The following MYH14 variants were observed in gnomAD, a reference collection of about 807,000 sequenced individuals.
MYH14 encodes myosin-14.
A neutral mutation model predicts 255.5 loss-of-function variants in MYH14; 123 were observed. The ratio of observed to expected loss-of-function variants is 0.48; its 90% CI spans 0.42 to 0.56. The LOEUF (loss-of-function observed/expected upper bound fraction) is 0.56. MYH14 is among the 20% of genes least tolerant of loss of function. MYH14 has a pLI of 0.00. For synonymous variants in MYH14, 1,095 were observed against 1,161.2 expected (o/e 0.94, Z 1.16); for missense variants, 2,423 against 2,802.3 (o/e 0.86, Z 3.06).
intron 8 of MYH14, among the ~76,000 whole-genome samples, chr19:50,228,575 C>T (rs1303353126): frequency 6.6e-6 from 1 of 152,146 alleles, no homozygotes; most frequent in Non-Finnish European, 1.5e-5. Context: ...AGCCCCTGCT[C>T]CTGCCGTTTT....
At chr19:50,247,180 C>A in intron 12 of MYH14, 58 bp downstream of exon 12, 1 of 1,222,374 alleles carries the variant, frequency 8.2e-7, no homozygotes, top group Non-Finnish European at 1.2e-6. Flanking sequence ...GGCCCTGGGT[C>A]TTTAAACAGT....
At chr19:50,302,585 A>C (rs1239889668) in intron 40 of MYH14, among the ~76,000 whole-genome samples, 1 of 150,816 alleles carries the variant, frequency 6.6e-6, no homozygotes, top group Non-Finnish European at 1.5e-5. Context: ...TCCATTTAAA[A>C]AAAAAAAAGA....
At chr19:50,207,268 AG>A (rs1280487852) in intron 1 of MYH14, among the ~76,000 whole-genome samples, 1 of 123,062 alleles carries the variant, frequency 8.1e-6, no homozygotes, top group African/African-American at 3.4e-5. Context: ...AGAGAGAGAG[AG>A]ACAGAGAGAG....
intron 10 of MYH14, 110 bp downstream of exon 10, chr19:50,232,180 G>A: frequency 5.1e-6 from 7 of 1,372,508 alleles, no homozygotes; most frequent in Admixed American, 1.9e-5. Context: ...AGCACCTACT[G>A]GGTGCAGGCA....
chr19:50,243,077 G>A (rs1270247518), intron 10 of MYH14, among the ~76,000 whole-genome samples: 6 of 152,068 alleles, frequency 3.9e-5, no homozygotes, highest in South Asian at 2.1e-4. Context: ...TGTTGGCCTC[G>A]AGTTCTGTGC....
chr19:50,271,935 A>G lies in MYH14; in HGVS notation c.3258A>G (p.Leu1086=). 1.2e-6 allele frequency: 2 copies of G among 1,611,952 alleles called. No homozygotes were observed. Among genetic ancestry groups the G allele is most frequent in the Non-Finnish European group, 1.7e-6 (2 of 1,179,148 alleles). The part of the protein sequence containing the change: ...EEEKVKSLNK[L]RLKYEATIAD... ...AGAAGGTCAAGAGCCTCAATAAGCT[A>G]CGGCTCAAATATGAGGCCACAATCG... The change falls in exon 26 of 43, where the codon CTA becomes CTG. Residue 1086 remains leucine, a synonymous_variant. Transcript: ENST00000642316.
chr19:50,261,738 G>A, intron 21 of MYH14, 103 bp downstream of exon 21: 1 of 1,153,258 alleles, frequency 8.7e-7, no homozygotes, highest in Non-Finnish European at 1.2e-6. Flanking sequence ...ATGGGTGCAG[G>A]GCTGAGGAGC....
intron 10 of MYH14, among the ~76,000 whole-genome samples, chr19:50,234,660 CTG>C (rs1289323371): frequency 1.3e-5 from 2 of 151,534 alleles, no homozygotes; most frequent in Non-Finnish European, 2.9e-5. Flanking sequence ...CAAATTCAGA[CTG>C]TGGCTGCAAT....
Position 50,289,571 on chromosome 19 carries a change from C to G in MYH14, c.4888C>G (p.Leu1630Val). The change falls in exon 35 of 43, where the codon CTC (leucine) becomes GTC (valine). Residue 1630 changes from leucine to valine, a missense_variant. Physicochemically the swap from Leu to Val is conservative, Grantham distance 32. Transcript: ENST00000642316. ...KLRLEVTVQA[L>V]KTQHERDLQG... ...GCGTCTGGAGGTGACTGTGCAGGCTCTCAAGACTCAGCATGAGCGTGACCT... is the reference window on the plus strand; with the variant it reads ...GCGTCTGGAGGTGACTGTGCAGGCTGTCAAGACTCAGCATGAGCGTGACCT... 3 of 1,613,048 alleles carry G rather than the reference C, an allele frequency of 1.9e-6. No individual in the cohort carries two copies. The highest frequency in any genetic ancestry group is 2.5e-6 in the Non-Finnish European group (3 of 1,179,632).
chr19:50,277,439 C>G (rs918291919), intron 29 of MYH14, among the ~76,000 whole-genome samples: 1 of 151,898 alleles, frequency 6.6e-6, no homozygotes, highest in Non-Finnish European at 1.5e-5. Flanking sequence ...AACCCCATCT[C>G]TACTAAAAAT....
Position 50,257,311 on chromosome 19 carries a change from T to C in MYH14, c.2057T>C (p.Val686Ala), listed in dbSNP as rs2034626759. 1 of 1,602,682 alleles carries C rather than the reference T, an allele frequency of 6.2e-7. No individual in the cohort carries two copies. The highest frequency in any genetic ancestry group is 8.5e-7 in the Non-Finnish European group (1 of 1,172,668). The change falls in exon 18 of 43, where the codon GTG (valine) becomes GCG (alanine). Residue 686 changes from valine (V) to alanine (A), a missense_variant. Coordinates refer to ENST00000642316, the MANE Select transcript of MYH14 (RefSeq NM_001145809.2). ...AISPPGVEGI[V>A]GLEQVSSLGD... ...CTCCATCTGACAGTGGAGGGCATCG[T>C]GGGGCTGGAACAGGTGAGCAGCCTG...
chr19:50,284,409 C>T (rs917667814), intron 33 of MYH14, among the ~76,000 whole-genome samples: 3 of 151,948 alleles, frequency 2.0e-5, no homozygotes, highest in South Asian at 2.1e-4. Flanking sequence ...CACTGTTGCC[C>T]GGGCTGGAGT....
rs1338780806 is a variant in MYH14 at position 50,230,043 on chromosome 19, C to T, written c.875-482C>T. On this transcript the variant is annotated intron_variant, in intron 8 of 42. Transcript: ENST00000642316. This position sits in a 1 kb window ranked among gnomAD's most constrained non-coding sequence, Gnocchi z 4.7. Reference sequence around the variant, plus strand: ...GATTCTCCTGCCTCAGCCTCCCAAGCAGCTGAGATTACAGGCACCCGCGAT... The same window carrying T: ...GATTCTCCTGCCTCAGCCTCCCAAGTAGCTGAGATTACAGGCACCCGCGAT... 6.6e-6 allele frequency among the ~76,000 whole-genome samples: 1 copy of T among 152,094 alleles called. No homozygotes were observed. Among genetic ancestry groups the T allele is most frequent in the Non-Finnish European group, 1.5e-5 (1 of 68,018 alleles).
At chr19:50,271,304 A>T (rs1399590467) in intron 24 of MYH14, 105 bp from the exon 25 acceptor site, 2 of 1,261,112 alleles carry the variant, frequency 1.6e-6, no homozygotes. Flanking sequence ...TCTCTGAACC[A>T]CAAGCCGCGG....
rs879357320 is a variant in MYH14 at position 50,221,560 on chromosome 19, T to G, written c.563-1523T>G. Among the ~76,000 whole-genome samples, 1 of 152,128 alleles carries G rather than the reference T, an allele frequency of 6.6e-6. No homozygotes were observed. The highest frequency in any genetic ancestry group is 1.5e-5 in the Non-Finnish European group (1 of 68,032). ...GGCACGATCTTGGCTCACTGCAACCTCCGCCTCCCGGGTTCAAGTGATTCT... is the reference window on the plus strand; with the variant it reads ...GGCACGATCTTGGCTCACTGCAACCGCCGCCTCCCGGGTTCAAGTGATTCT... On this transcript the variant is annotated intron_variant, in intron 3 of 42. Coordinates refer to ENST00000642316, the MANE Select transcript of MYH14 (RefSeq NM_001145809.2). The surrounding 1 kb of genome is among the most constrained non-coding windows in gnomAD (Gnocchi z 5.3).
In MYH14 at chr19:50,276,274, A is replaced by C. The variant is rs2035506284; in HGVS notation, c.3680+71A>C. The stretch of plus-strand genomic sequence containing the variant: ...GGCTGGGGGAAGGACTTAGGTACAA[A>C]GTCTCTGTCTATACAGAGGCTTACT... On this transcript the variant is annotated intron_variant, in intron 28 of 42. Coordinates refer to ENST00000642316, the MANE Select transcript of MYH14 (RefSeq NM_001145809.2). The surrounding 1 kb of genome is among the most constrained non-coding windows in gnomAD (Gnocchi z 4.3). 3.4e-6 allele frequency: 4 copies of C among 1,191,950 alleles called. No homozygotes were observed. The highest frequency in any genetic ancestry group is 4.6e-6 in the Non-Finnish European group (4 of 865,532). 73.8% of individuals were successfully genotyped at this position (1,191,950 alleles called of 1,614,324 possible).
intron 2 of MYH14, 34 bp from the exon 3 acceptor site, chr19:50,217,581 C>T: frequency 5.0e-6 from 8 of 1,613,894 alleles, no homozygotes; most frequent in Non-Finnish European, 6.8e-6. Flanking sequence ...CGTGGGCAGC[C>T]ATCTGAGACC....
rs1425523973 is a variant in MYH14 at position 50,233,569 on chromosome 19, G to C, written c.1114+1499G>C. 5.3e-5 allele frequency among the ~76,000 whole-genome samples: 8 copies of C among 152,242 alleles called. No individual in the cohort carries two copies. In the East Asian group the frequency reaches 1.5e-3, roughly 29 times the overall value. On this transcript the variant is annotated intron_variant, in intron 10 of 42. Transcript: ENST00000642316. ...GCTAACAAAGTACCACAAACCTAGT[G>C]CCTAAAACAACAGAAATTGATTGTC... is the stretch of plus-strand genomic sequence containing the variant.
chr19:50,215,018 C>CG (rs146996811), intron 2 of MYH14, among the ~76,000 whole-genome samples: 11,884 of 152,030 alleles, frequency 0.078, 908 homozygotes, highest in African/African-American at 0.2. Context: ...CTGAGGGGAG[C>CG]GGGGGGGCAG....
Sources: allele counts gnomAD v4.1 joint callset (sites outside exome capture counted in the v4.1 genomes callset), GRCh38; gene constraint gnomAD v4.1.1; non-coding constraint Gnocchi (gnomAD v3.1); transcripts MANE v1.5; gene names NCBI Gene and HGNC (gene_info 2026-07-23, HGNC 2026-07-21).